JAK2: variants seen among roughly 807,000 people sequenced by gnomAD.
The protein encoded by JAK2 is Janus kinase 2.
JAK2 carries 86 observed loss-of-function variants against 139.3 expected under a neutral mutation model. The observed-to-expected ratio is 0.62, with a 90% CI of 0.52 to 0.74. The LOEUF is 0.74. Ranked by LOEUF, JAK2 falls within the 30% of genes least tolerant of loss-of-function variation. The pLI, the probability that JAK2 is intolerant of heterozygous loss-of-function variation, is 0.00. For synonymous variants in JAK2, 490 were observed against 437.7 expected, an observed-to-expected ratio of 1.12 and a Z score of -1.49; for missense variants, 1,421 against 1,360.3, an observed-to-expected ratio of 1.04 and a Z score of -0.70.
At chr9:5,119,496 T>C (rs1253107324) in intron 22 of JAK2, among the ~76,000 whole-genome samples, 1 of 151,880 alleles carries the variant, frequency 6.6e-6, no homozygotes, top group African/African-American at 2.4e-5. Context: ...TGTGAAAAAA[T>C]CATGAGGGCA....
chr9:5,015,951 A>G (rs1822030990), intron 2 of JAK2, among the ~76,000 whole-genome samples: 1 of 152,250 alleles, frequency 6.6e-6, no homozygotes, highest in African/African-American at 2.4e-5. Flanking sequence ...TATATAGATT[A>G]TAAGTGCAAA....
At chr9:5,026,165 C>A (rs1822771506) in intron 3 of JAK2, among the ~76,000 whole-genome samples, 1 of 152,118 alleles carries the variant, frequency 6.6e-6, no homozygotes, top group African/African-American at 2.4e-5. Context: ...ATACTTAGAT[C>A]ATTTGCTCTT....
In JAK2 at chr9:5,055,710, CA is replaced by C. The variant is rs1400739957; in HGVS notation, c.979del (p.Ser327ValfsTer16). 6.3e-7 allele frequency: 1 copy of C among 1,587,846 alleles called. No homozygotes were observed. The highest frequency in any genetic ancestry group is 8.6e-7 in the Non-Finnish European group (1 of 1,157,496). On this transcript the variant is annotated frameshift_variant, in exon 8 of 25. Coordinates refer to ENST00000381652, the MANE Select transcript of JAK2 (RefSeq NM_004972.4). LOFTEE classifies it high-confidence loss of function. ...GCGATTTTCCTAATATTATTGATGT[CA>C]GTATTAAGCAAGCAAACCAAGAGGG... ...YCDFPNIIDV[S>X]IKQANQEGSN...
chr9:5,027,425 C>T (rs961994544), intron 3 of JAK2, among the ~76,000 whole-genome samples: 3 of 152,132 alleles, frequency 2.0e-5, no homozygotes, highest in Admixed American at 6.5e-5. Context: ...ATCATCTGAG[C>T]CTTCAGTGAG....
rs778371211 is a variant in JAK2 at position 5,044,407 on chromosome 9, T to C, written c.355T>C (p.Tyr119His). The C allele has an allele frequency of 6.2e-7, 1 of 1,604,496 alleles. No individual in the cohort carries two copies. The highest frequency in any genetic ancestry group is 1.1e-5 in the South Asian group (1 of 90,680). Residue 119 changes from tyrosine (Y) to histidine (H), a missense_variant, in exon 5 of 25, where the codon TAC becomes CAC. Physicochemically the swap from Tyr to His is moderately conservative, Grantham distance 83. Coordinates refer to ENST00000381652, the MANE Select transcript of JAK2 (RefSeq NM_004972.4). ...AATGTTTTTATTATCTTGTAGATTT[T>C]ACTTTCCTCGTTGGTATTGCAGTGG... ...RHNVLYRIRF[Y>H]FPRWYCSGSN... is the part of the protein sequence containing the mutation.
At chr9:5,126,307 AAAT>A (rs780867187) in intron 23 of JAK2, 23 bp from the exon 24 acceptor site, 18 of 1,503,870 alleles carry the variant, frequency 1.2e-5, no homozygotes, top group Non-Finnish European at 1.6e-5. Flanking sequence ...AATGTACAAA[AAAT>A]ATTGAAAGTG....
intron 3 of JAK2, 108 bp downstream of exon 3, chr9:5,022,321 G>T (rs1822483984): frequency 4.5e-6 from 3 of 672,572 alleles, no homozygotes; most frequent in African/African-American, 1.8e-5. Flanking sequence ...TTTAATGCTT[G>T]TATGGCTGGC....
intron 22 of JAK2, among the ~76,000 whole-genome samples, chr9:5,103,786 T>G (rs1475930530): frequency 6.6e-6 from 1 of 152,108 alleles, no homozygotes; most frequent in Non-Finnish European, 1.5e-5. Flanking sequence ...CACAACTTCA[T>G]GGAAATTGAA....
intron 6 of JAK2, 62 bp downstream of exon 6, chr9:5,050,893 A>T: frequency 7.1e-7 from 1 of 1,414,124 alleles, no homozygotes; most frequent in African/African-American, 1.4e-5. Flanking sequence ...TAATTCGTAT[A>T]TATTTTCTGT....
chr9:5,050,871 A>G (rs1399286828), intron 6 of JAK2, 40 bp downstream of exon 6: 12 of 1,526,384 alleles, frequency 7.9e-6, no homozygotes, highest in Non-Finnish European at 1.0e-5. Context: ...AAGTGTGAGT[A>G]GAGATTTTAT....
chr9:5,008,305 G>A (rs1427729673), intron 2 of JAK2, among the ~76,000 whole-genome samples: 1 of 152,138 alleles, frequency 6.6e-6, no homozygotes, highest in Non-Finnish European at 1.5e-5. Context: ...GGCCTAACAT[G>A]TGGTCTACTT....
Position 5,022,159 on chromosome 9 carries a change from C to A in JAK2, c.172C>A (p.Pro58Thr). 1.2e-6 allele frequency: 2 copies of A among 1,614,126 alleles called. No individual in the cohort carries two copies. Among genetic ancestry groups the A allele is most frequent in the Non-Finnish European group, 1.7e-6 (2 of 1,179,998 alleles). ...ATCTGAGGCAGATTATCTGACCTTT[C>A]CATCTGGGGAGTATGTTGCAGAAGA... ...GKSEADYLTF[P>T]SGEYVAEEIC... Residue 58 changes from proline to threonine, a missense_variant, in exon 3 of 25, where the codon CCA (proline) becomes ACA (threonine). By Grantham distance (38) the Pro-to-Thr change is conservative. Transcript: ENST00000381652.
chr9:5,089,344 C>G (rs1350939583), intron 19 of JAK2, among the ~76,000 whole-genome samples: 1 of 151,928 alleles, frequency 6.6e-6, no homozygotes, highest in Non-Finnish European at 1.5e-5. Context: ...CAAGACAATC[C>G]TGGCTAACAC....
In JAK2 at chr9:5,076,767, C is replaced by T. The variant is rs1239322676; in HGVS notation, c.1865-686C>T. Among the ~76,000 whole-genome samples the T allele has an allele frequency of 2.0e-5, 3 of 152,076 alleles. No homozygotes were observed. The East Asian group carries it at 5.8e-4, about 29-fold the overall frequency. On this transcript the variant is annotated intron_variant, in intron 14 of 24. Transcript: ENST00000381652. ...CTAGTAATGCAGATTAAATACACAT[C>T]TACACTTGTATGACATTTTTTCATA...
intron 22 of JAK2, chr9:5,099,093 AC>A (rs1002183880): frequency 6.6e-6 from 1 of 152,172 alleles, no homozygotes; most frequent in African/African-American, 2.4e-5. Context: ...CAACAGAAAT[AC>A]CCATCCATAT....
In JAK2 at chr9:5,067,560, T is replaced by C. The variant is rs75437443; in HGVS notation, c.1326+771T>C. ...CAGAAGGGAGGTTATGCCATCACTTTACCTTTGTGTAAAACTGGTAATCTA... is the reference window on the plus strand; with the variant it reads ...CAGAAGGGAGGTTATGCCATCACTTCACCTTTGTGTAAAACTGGTAATCTA... On this transcript the variant is annotated intron_variant, in intron 10 of 24. Transcript: ENST00000381652. Among the ~76,000 whole-genome samples the C allele has an allele frequency of 1.0e-2, 1,519 of 152,176 alleles. 25 individuals carry two copies. Among genetic ancestry groups the C allele is most frequent in the African/African-American group, 0.035 (1,439 of 41,538 alleles).
intron 2 of JAK2, among the ~76,000 whole-genome samples, chr9:4,987,071 G>T (rs1819987124): frequency 6.6e-6 from 1 of 152,188 alleles, no homozygotes; most frequent in African/African-American, 2.4e-5. Context: ...ACATGCATTT[G>T]TCTGTTGGTG....
chr9:5,032,222 G>T (rs1823213007), intron 4 of JAK2, among the ~76,000 whole-genome samples: 1 of 152,244 alleles, frequency 6.6e-6, no homozygotes, highest in Non-Finnish European at 1.5e-5. Flanking sequence ...CCATTGCCGA[G>T]GGTTGAGTAG....
chr9:5,001,433 A>G (rs928626745), intron 2 of JAK2, among the ~76,000 whole-genome samples: 1 of 152,152 alleles, frequency 6.6e-6, no homozygotes, highest in African/African-American at 2.4e-5. Flanking sequence ...TTCCTGCAAC[A>G]ATTGGGACGA....
Sources: allele counts gnomAD v4.1 joint callset (sites outside exome capture counted in the v4.1 genomes callset), GRCh38; gene constraint gnomAD v4.1.1; transcripts MANE v1.5; gene names NCBI Gene and HGNC (gene_info 2026-07-23, HGNC 2026-07-21).